Variants in FSD1L observed in about 807,000 individuals in gnomAD.
FSD1L encodes fibronectin type III and SPRY domain containing 1 like.
In FSD1L, 45 loss-of-function variants were observed where a neutral mutation model predicts 71.6. That is an observed-to-expected ratio of 0.63 (90% confidence interval 0.49 to 0.81). FSD1L has a LOEUF of 0.81. Ranked by LOEUF, FSD1L falls within the 30% of genes least tolerant of loss-of-function variation. FSD1L has a pLI of 0.00. For missense variants in FSD1L, 561 were observed against 618.1 expected, an observed-to-expected ratio of 0.91 and a Z score of 0.98; for synonymous variants, 197 against 207.2, an observed-to-expected ratio of 0.95 and a Z score of 0.42.
At chr9:105,510,491 A>G (rs1469398915) in intron 9 of FSD1L, among the ~76,000 whole-genome samples, 1 of 152,192 alleles carries the variant, frequency 6.6e-6, no homozygotes, top group African/African-American at 2.4e-5. Flanking sequence ...GCCTTTTTCA[A>G]CCAACCAGTA....
intron 7 of FSD1L, among the ~76,000 whole-genome samples, chr9:105,505,095 C>T (rs1037611412): frequency 1.3e-5 from 2 of 152,180 alleles, no homozygotes; most frequent in African/African-American, 4.8e-5. Flanking sequence ...TCTGTGGGTT[C>T]TGATAAATGT....
At chr9:105,506,278 T>TTAAG (rs1834044632) in intron 7 of FSD1L, 121 bp from the exon 8 acceptor site, 2 of 726,534 alleles carry the variant, frequency 2.8e-6, no homozygotes, top group East Asian at 5.5e-5. Flanking sequence ...TGATCTACTT[T>TTAAG]TGAACAGTTT....
At chr9:105,524,169 G>A in intron 10 of FSD1L, 2 of 1,612,246 alleles carry the variant, frequency 1.2e-6, no homozygotes, top group Non-Finnish European at 1.7e-6. Flanking sequence ...TGAAGAACTA[G>A]TCCATGAGTC....
chr9:105,533,785 C>G (rs1329854036), intron 10 of FSD1L, among the ~76,000 whole-genome samples: 1 of 149,548 alleles, frequency 6.7e-6, no homozygotes, highest in South Asian at 2.2e-4. Context: ...TGCAATGGTG[C>G]AATCATGGCT....
chr9:105,539,181 T>C, intron 12 of FSD1L, 82 bp from the exon 13 acceptor site: 1 of 668,258 alleles, frequency 1.5e-6, no homozygotes, highest in South Asian at 1.9e-5. Flanking sequence ...TATTATTACT[T>C]TTTGCATGAT....
chr9:105,476,313 ATC>A (rs1831799506), intron 5 of FSD1L, among the ~76,000 whole-genome samples: 1 of 151,786 alleles, frequency 6.6e-6, no homozygotes, highest in Admixed American at 6.6e-5. Flanking sequence ...GCCTCCCTCC[ATC>A]TCTTAGTTAA....
chr9:105,482,541 TGG>T (rs1376963598), intron 6 of FSD1L, among the ~76,000 whole-genome samples: 1 of 152,244 alleles, frequency 6.6e-6, no homozygotes, highest in African/African-American at 2.4e-5. Context: ...CCTAGCCTTC[TGG>T]ATCCTGTAGT....
upstream of FSD1L, among the ~76,000 whole-genome samples, chr9:105,444,642 A>T (rs770060409): frequency 7.9e-5 from 12 of 152,342 alleles, no homozygotes; most frequent in Non-Finnish European, 1.6e-4. Flanking sequence ...AGGCTATCCT[A>T]ACTTGAGGTT....
chr9:105,524,559 T>C, intron 10 of FSD1L: 2 of 1,613,916 alleles, frequency 1.2e-6, no homozygotes, highest in Non-Finnish European at 1.7e-6. Context: ...TTTACATGGG[T>C]GTGTTTATGG....
chr9:105,520,810 C>T (rs1732878416), intron 10 of FSD1L: 1 of 1,612,288 alleles, frequency 6.2e-7, no homozygotes, highest in Non-Finnish European at 8.5e-7. Flanking sequence ...ACTCAAGTCA[C>T]TATAGAAGAA....
intron 3 of FSD1L, among the ~76,000 whole-genome samples, chr9:105,466,642 G>A (rs571816210): frequency 7.3e-5 from 11 of 151,478 alleles, no homozygotes; most frequent in East Asian, 1.9e-4. Context: ...GCAGTGAGCC[G>A]AGATCGCACT....
At position 105,520,385 on chromosome 9, in the gene FSD1L, A is replaced by T. The variant is rs1835065731; in HGVS notation, c.1025+7449A>T. The T allele has an allele frequency of 5.0e-6, 6 of 1,205,564 alleles. No individual in the cohort carries two copies. In the South Asian group the frequency reaches 6.3e-5, roughly 13 times the overall value. The allele number at this position is 1,205,564 out of a possible 1,614,324, so 74.7% of individuals were successfully genotyped here. A position where few individuals can be genotyped will look rare whatever the true frequency, so the allele number is the denominator to read the frequency against. On this transcript the variant is annotated intron_variant, in intron 10 of 13. Transcript: ENST00000481272. ...AAAGAATGCAGAATCTATTGATCTT[A>T]AACAGTTTTTCGACAACATTTTTTA...
At chr9:105,462,200 G>GAAAGT (rs1213036760) in intron 2 of FSD1L, among the ~76,000 whole-genome samples, 2 of 150,986 alleles carry the variant, frequency 1.3e-5, no homozygotes, top group Non-Finnish European at 3.0e-5. Flanking sequence ...TTTTTTGGTG[G>GAAAGT]AAAGTTTTTT....
intron 10 of FSD1L, among the ~76,000 whole-genome samples, chr9:105,519,559 A>G (rs1446443229): frequency 6.6e-6 from 1 of 152,234 alleles, no homozygotes; most frequent in Non-Finnish European, 1.5e-5. Flanking sequence ...CCACATGATT[A>G]TCTCAATAGA....
intron 1 of FSD1L, among the ~76,000 whole-genome samples, chr9:105,455,337 G>T (rs1248975404): frequency 6.6e-6 from 1 of 152,140 alleles, no homozygotes; most frequent in Non-Finnish European, 1.5e-5. Context: ...CTCATTTGGT[G>T]GCTCTGGGTT....
intron 10 of FSD1L, chr9:105,524,887 C>T (rs1835411721): frequency 6.3e-7 from 1 of 1,597,012 alleles, no homozygotes; most frequent in Non-Finnish European, 8.6e-7. Context: ...AGTGAAAGTA[C>T]TGAACTTTCT....
At chr9:105,481,444 C>A (rs9408799) in intron 6 of FSD1L, among the ~76,000 whole-genome samples, 6 of 149,082 alleles carry the variant, frequency 4.0e-5, no homozygotes, top group African/African-American at 1.5e-4. Context: ...GCCACCACAC[C>A]CAGCTAATTT....
intron 3 of FSD1L, among the ~76,000 whole-genome samples, chr9:105,467,822 AT>A (rs747362075): frequency 6.2e-4 from 94 of 152,334 alleles, no homozygotes; most frequent in South Asian, 1.9e-3. Context: ...AGTGATTCTG[AT>A]ACGCACCAGA....
At chr9:105,501,428 G>A (rs971524695) in intron 7 of FSD1L, among the ~76,000 whole-genome samples, 6 of 151,906 alleles carry the variant, frequency 3.9e-5, no homozygotes, top group Admixed American at 6.6e-5. Context: ...ATCGTTTACA[G>A]TTTTTTATTG....
Sources: gnomAD v4.1 joint callset for allele counts (sites outside exome capture counted in the v4.1 genomes callset) on GRCh38, gnomAD v4.1.1 for gene constraint, MANE v1.5 for transcripts, NCBI Gene and HGNC (gene_info 2026-07-23, HGNC 2026-07-21) for gene names.